CNDP1: variants seen among roughly 807,000 people sequenced by gnomAD.
CNDP1 encodes the protein beta-Ala-His dipeptidase.
In CNDP1, 44 loss-of-function variants were observed where a neutral mutation model predicts 58.1. The observed-to-expected ratio is 0.76, with a 90% CI of 0.60 to 0.97. CNDP1 has a LOEUF of 0.97. Among genes scored for constraint, CNDP1 ranks in the 50% least tolerant of loss-of-function variants. The pLI is 0.00. For missense variants in CNDP1, 616 were observed against 655.1 expected (o/e 0.94, Z 0.65); for synonymous variants, 254 against 252.6 (o/e 1.01, Z -0.05).
At chr18:74,573,462 A>ATCTATGTATCTATCTG (rs1298938932) in intron 7 of CNDP1, among the ~76,000 whole-genome samples, 123 of 152,304 alleles carry the variant, frequency 8.1e-4, no homozygotes, top group Non-Finnish European at 1.5e-3. Flanking sequence ...GTATCTATCT[A>ATCTATGTATCTATCTG]TCTATCTATC....
intron 3 of CNDP1, among the ~76,000 whole-genome samples, chr18:74,560,648 C>A (rs116041232): frequency 1.3e-5 from 2 of 151,736 alleles, no homozygotes; most frequent in African/African-American, 2.4e-5. Flanking sequence ...TGTGCCACTG[C>A]GCTCCAGCCT....
At position 74,583,527 on chromosome 18, in the gene CNDP1, T is replaced by C. The variant is rs1180007188; in HGVS notation, c.1310-34T>C. ...AGCTTCCTGGGGGTGTTCTTGTCCT[T>C]ACCCTATTCAAATGCCTTCTTTTCC... is the stretch of plus-strand genomic sequence containing the variant. On this transcript the variant is annotated intron_variant, in intron 10 of 11. Coordinates refer to ENST00000358821, the MANE Select transcript of CNDP1 (RefSeq NM_032649.6). 3.1e-6 allele frequency: 5 copies of C among 1,606,080 alleles called. No homozygotes were observed. In the East Asian group the frequency reaches 8.9e-5, roughly 29 times the overall value.
rs776646526 is a variant in CNDP1 at position 74,567,246 on chromosome 18, A to C, written c.569A>C (p.Asn190Thr). 6.2e-7 allele frequency: 1 copy of C among 1,614,156 alleles called. No homozygotes were observed. The highest frequency in any genetic ancestry group is 8.5e-7 in the Non-Finnish European group (1 of 1,179,980). ...GTTGTTACTTAGGATCTTCCTGTGA[A>C]TATCAAATTCATCATTGAGGGGATG... Reference protein sequence around the residue: ...FRALEQDLPVNIKFIIEGMEE... With the variant: ...FRALEQDLPVTIKFIIEGMEE... Residue 190 changes from asparagine (N) to threonine (T), a missense_variant, in exon 6 of 12, where the codon AAT becomes ACT. By Grantham distance (65) the Asn-to-Thr change is moderately conservative (BLOSUM62 0). Transcript: ENST00000358821.
chr18:74,544,902 G>A (rs1405719382), intron 1 of CNDP1, among the ~76,000 whole-genome samples: 1 of 152,032 alleles, frequency 6.6e-6, no homozygotes, highest in Admixed American at 6.6e-5. Flanking sequence ...GGAGTAGAGT[G>A]GGCCCTAAAT....
intron 7 of CNDP1, among the ~76,000 whole-genome samples, chr18:74,574,576 G>A (rs930186657): frequency 6.6e-6 from 1 of 152,186 alleles, no homozygotes; most frequent in African/African-American, 2.4e-5. Context: ...GGCACCTTCT[G>A]CCTTCCCCGC....
At chr18:74,583,500 G>A (rs1169926138) in intron 10 of CNDP1, 61 bp from the exon 11 acceptor site, 3 of 1,434,222 alleles carry the variant, frequency 2.1e-6, no homozygotes, top group African/African-American at 2.8e-5. Context: ...CTGACCTTGA[G>A]GAGCTTCCTG....
In CNDP1 at chr18:74,577,004, T is replaced by C; in HGVS notation, c.977T>C (p.Val326Ala). Reference sequence around the variant, plus strand: ...GAAGAATACCGGAATAGCAGCCGGGTTGAGAAATTTCTGTTCGATACTAAG... The same window carrying C: ...GAAGAATACCGGAATAGCAGCCGGGCTGAGAAATTTCTGTTCGATACTAAG... The part of the protein sequence containing the change: ...DLEEYRNSSR[V>A]EKFLFDTKEE... The change falls in exon 8 of 12, where the codon GTT (valine) becomes GCT (alanine). Residue 326 changes from valine to alanine, a missense_variant. By Grantham distance (64) the Val-to-Ala change is moderately conservative. Coordinates refer to ENST00000358821, the MANE Select transcript of CNDP1 (RefSeq NM_032649.6). 6.2e-7 allele frequency: 1 copy of C among 1,612,834 alleles called. No homozygotes were observed. The highest frequency in any genetic ancestry group is 8.5e-7 in the Non-Finnish European group (1 of 1,179,528).
chr18:74,545,572 C>T lies in CNDP1; in HGVS notation c.25-10766C>T, dbSNP rs1042191896. On this transcript the variant is annotated intron_variant, in intron 1 of 11. Coordinates refer to ENST00000358821, the MANE Select transcript of CNDP1 (RefSeq NM_032649.6). This position sits in a 1 kb window ranked among gnomAD's most constrained non-coding sequence, Gnocchi z 4.1. ...CTGCCAGGCTCTCCTCTCCTGACTCCGTGAGAAATCTCTGCTCTCCTCCTC... is the reference window on the plus strand; with the variant it reads ...CTGCCAGGCTCTCCTCTCCTGACTCTGTGAGAAATCTCTGCTCTCCTCCTC... Among the ~76,000 whole-genome samples, 4 of 152,136 alleles carry T rather than the reference C, an allele frequency of 2.6e-5. No individual in the cohort carries two copies. The highest frequency in any genetic ancestry group is 4.8e-5 in the African/African-American group (2 of 41,420).
chr18:74,543,857 A>T (rs62099907), intron 1 of CNDP1, among the ~76,000 whole-genome samples: 27,798 of 151,984 alleles, frequency 0.18, 2,587 homozygotes, highest in Middle Eastern at 0.26. Flanking sequence ...GGCCAAAGAA[A>T]GAGGATCAGT....
At chr18:74,570,200 A>AT (rs1401400424) in intron 6 of CNDP1, among the ~76,000 whole-genome samples, 1 of 70,138 alleles carries the variant, frequency 1.4e-5, no homozygotes, top group Non-Finnish European at 2.6e-5. Context: ...CTCTGTCTCA[A>AT]AATAATAATA....
intron 1 of CNDP1, among the ~76,000 whole-genome samples, chr18:74,541,878 C>T (rs369075641): frequency 9.8e-5 from 15 of 152,290 alleles, no homozygotes; most frequent in African/African-American, 1.9e-4. Context: ...GCTCAGCTTC[C>T]GGCGCCACAG....
chr18:74,563,549 C>A (rs1387436744), intron 5 of CNDP1, among the ~76,000 whole-genome samples: 1 of 152,182 alleles, frequency 6.6e-6, no homozygotes, highest in Non-Finnish European at 1.5e-5. Flanking sequence ...AATCTCTGAG[C>A]CTGACTTGCC....
At chr18:74,543,602 A>T (rs12964810) in intron 1 of CNDP1, among the ~76,000 whole-genome samples, 17,895 of 152,274 alleles carry the variant, frequency 0.12, 1,434 homozygotes, top group Non-Finnish European at 0.18. Flanking sequence ...AGTTATTGAA[A>T]TAACTGAACA....
intron 1 of CNDP1, 60 bp downstream of exon 1, chr18:74,534,751 G>A (rs1393959040): frequency 3.0e-5 from 48 of 1,600,446 alleles, no homozygotes; most frequent in South Asian, 1.3e-4. Flanking sequence ...CATTTGTCCC[G>A]GGAGCATGTG....
rs1024298199 is a variant in CNDP1, at chr18:74,580,164, G to T, written c.1202G>T (p.Arg401Ile). 1.9e-6 allele frequency: 3 copies of T among 1,613,820 alleles called. No individual in the cohort carries two copies. The highest frequency in any genetic ancestry group is 2.5e-6 in the Non-Finnish European group (3 of 1,179,856). The change falls in exon 10 of 12, where the codon AGA becomes ATA. Residue 401 changes from arginine (R) to isoleucine (I), a missense_variant. Arg to Ile is a moderately conservative substitution (Grantham distance 97, BLOSUM62 -3). Transcript: ENST00000358821. ...CATCTTGAAGATGTGTTCTCCAAAA[G>T]AAATAGTTCCAACAAGATGGTTGTT... ...TRHLEDVFSK[R>I]NSSNKMVVSM...
At chr18:74,543,212 G>A (rs1463274410) in intron 1 of CNDP1, among the ~76,000 whole-genome samples, 1 of 152,200 alleles carries the variant, frequency 6.6e-6, no homozygotes. Context: ...GACAGGGGCC[G>A]GGTGTGGTGG....
chr18:74,547,723 A>G (rs1045484064), intron 1 of CNDP1, among the ~76,000 whole-genome samples: 43 of 152,190 alleles, frequency 2.8e-4, no homozygotes, highest in African/African-American at 9.7e-4. Context: ...CTGTGGGAGG[A>G]GAAAGAGGAG....
intron 1 of CNDP1, among the ~76,000 whole-genome samples, chr18:74,550,948 G>C (rs1980889627): frequency 6.6e-6 from 1 of 152,018 alleles, no homozygotes; most frequent in South Asian, 2.1e-4. Flanking sequence ...TGAGGGGCCA[G>C]TGACAGAATG....
rs558267205 is a variant in CNDP1 at position 74,537,486 on chromosome 18, A to G, written c.24+2795A>G. On this transcript the variant is annotated intron_variant, in intron 1 of 11. Transcript: ENST00000358821. ...ACTGAGAGAGAAAAGAAAGTCATCA[A>G]TTCTATTCTTGGGATCTTGAGCCCA... Among the ~76,000 whole-genome samples the G allele has an allele frequency of 2.0e-5, 3 of 152,288 alleles. No homozygotes were observed. The East Asian group carries it at 5.8e-4, about 29-fold the overall frequency.
Sources: allele counts gnomAD v4.1 joint callset (sites outside exome capture counted in the v4.1 genomes callset), GRCh38; gene constraint gnomAD v4.1.1; non-coding constraint Gnocchi (gnomAD v3.1); transcripts MANE v1.5; gene names NCBI Gene and HGNC (gene_info 2026-07-23, HGNC 2026-07-21).